The following TRAPPC9 variants were observed in gnomAD, a reference collection of about 807,000 sequenced individuals.
TRAPPC9 encodes IKK2 binding protein.
In TRAPPC9, 83 loss-of-function variants were observed where a neutral mutation model predicts 124.0. The ratio of observed to expected loss-of-function variants is 0.67; its 90% CI spans 0.56 to 0.80. TRAPPC9 has a LOEUF of 0.80. Among genes scored for constraint, TRAPPC9 ranks in the 30% least tolerant of loss-of-function variants. The probability of loss-of-function intolerance (pLI) is 0.00; values close to 1 mark genes in which losing one functional copy is unlikely to be tolerated. For missense variants in TRAPPC9, 1,302 were observed against 1,508.3 expected, an observed-to-expected ratio of 0.86 and a Z score of 2.27; for synonymous variants, 638 against 617.5, an observed-to-expected ratio of 1.03 and a Z score of -0.49.
At chr8:139,890,104 C>T (rs917884392) in intron 20 of TRAPPC9, among the ~76,000 whole-genome samples, 2 of 152,230 alleles carry the variant, frequency 1.3e-5, no homozygotes, top group Non-Finnish European at 2.9e-5. Flanking sequence ...GAAGCAGCGC[C>T]CTGCAGCTCC....
chr8:140,304,940 C>T (rs544088222), intron 10 of TRAPPC9, among the ~76,000 whole-genome samples: 21 of 152,220 alleles, frequency 1.4e-4, no homozygotes, highest in African/African-American at 4.3e-4. Context: ...CCTCAGTGTG[C>T]GTTACCGAAT....
At chr8:140,255,611 C>A (rs1026962707) in intron 15 of TRAPPC9, among the ~76,000 whole-genome samples, 1 of 152,198 alleles carries the variant, frequency 6.6e-6, no homozygotes, top group Non-Finnish European at 1.5e-5. Context: ...GTGGACCGGG[C>A]GCAGTGACTC....
At chr8:140,191,986 G>A (rs906340812) in intron 17 of TRAPPC9, among the ~76,000 whole-genome samples, 1 of 152,110 alleles carries the variant, frequency 6.6e-6, no homozygotes, top group Non-Finnish European at 1.5e-5. Flanking sequence ...CATCACTCAG[G>A]ACTAAAATGA....
chr8:140,237,193 A>G (rs1203345408), intron 16 of TRAPPC9, among the ~76,000 whole-genome samples: 2 of 151,770 alleles, frequency 1.3e-5, no homozygotes, highest in Non-Finnish European at 2.9e-5. Context: ...AAAAATATAA[A>G]AAATAAATAA....
At chr8:140,386,808 A>G (rs948643048) in intron 7 of TRAPPC9, among the ~76,000 whole-genome samples, 5 of 152,210 alleles carry the variant, frequency 3.3e-5, no homozygotes, top group African/African-American at 4.8e-5. Context: ...CAGAATTGGA[A>G]AAAACTACTC....
chr8:140,200,502 C>T (rs568434617), intron 17 of TRAPPC9, among the ~76,000 whole-genome samples: 20 of 152,188 alleles, frequency 1.3e-4, no homozygotes, highest in East Asian at 3.9e-4. Flanking sequence ...CCCGGCCAGG[C>T]GATCAAGGTC....
At chr8:140,172,753 T>C (rs1417959463) in intron 17 of TRAPPC9, among the ~76,000 whole-genome samples, 2 of 152,134 alleles carry the variant, frequency 1.3e-5, no homozygotes, top group Non-Finnish European at 2.9e-5. Flanking sequence ...TTACTATGAT[T>C]AAAAATAATT....
intron 18 of TRAPPC9, among the ~76,000 whole-genome samples, chr8:140,006,033 G>C (rs1373621152): frequency 6.6e-6 from 1 of 152,076 alleles, no homozygotes; most frequent in African/African-American, 2.4e-5. Context: ...AAATGACTGT[G>C]AAAAGTTGTC....
At chr8:139,906,710 T>C (rs1297331979) in intron 20 of TRAPPC9, among the ~76,000 whole-genome samples, 1 of 152,140 alleles carries the variant, frequency 6.6e-6, no homozygotes, top group Non-Finnish European at 1.5e-5. Context: ...GTTCAGGCCC[T>C]TGTGGTCCCT....
chr8:140,181,283 C>A (rs1388091648), intron 17 of TRAPPC9, among the ~76,000 whole-genome samples: 7 of 152,112 alleles, frequency 4.6e-5, no homozygotes, highest in Admixed American at 4.6e-4. Context: ...CATGGGGAGA[C>A]AGAATCTTGC....
chr8:139,931,854 G>A (rs138088274), intron 19 of TRAPPC9: 75 of 166,622 alleles, frequency 4.5e-4, no homozygotes, highest in Non-Finnish European at 7.0e-4. Context: ...CATTTCACCC[G>A]GAAAAGATGA....
chr8:140,295,835 A>G (rs114508728), intron 11 of TRAPPC9, among the ~76,000 whole-genome samples: 184 of 152,330 alleles, frequency 1.2e-3, no homozygotes, highest in African/African-American at 4.3e-3. Context: ...TGATCAGTAC[A>G]CTGCCAAAAA....
intron 21 of TRAPPC9, among the ~76,000 whole-genome samples, chr8:139,803,516 C>T (rs921391215): frequency 6.6e-6 from 1 of 152,258 alleles, no homozygotes; most frequent in Non-Finnish European, 1.5e-5. Context: ...GCTCTCTGTG[C>T]AGGCAGTCAG....
chr8:140,207,653 C>T (rs767224707), intron 17 of TRAPPC9, among the ~76,000 whole-genome samples: 8 of 152,196 alleles, frequency 5.3e-5, no homozygotes, highest in African/African-American at 1.2e-4. Context: ...GCGGACCCTG[C>T]GGATGAACTA....
chr8:139,818,004 T>C (rs1824976502), intron 21 of TRAPPC9, among the ~76,000 whole-genome samples: 1 of 152,254 alleles, frequency 6.6e-6, no homozygotes, highest in Non-Finnish European at 1.5e-5. Context: ...CTACCGTGTG[T>C]ACCAGTATAT....
chr8:139,883,264 C>T (rs1052221953), intron 21 of TRAPPC9, among the ~76,000 whole-genome samples: 2 of 152,230 alleles, frequency 1.3e-5, no homozygotes, highest in Non-Finnish European at 2.9e-5. Context: ...GCAAGAGGGC[C>T]CTCGCCAGAC....
intron 2 of TRAPPC9, among the ~76,000 whole-genome samples, chr8:140,449,561 G>A (rs1189559848): frequency 6.6e-6 from 1 of 152,228 alleles, no homozygotes; most frequent in African/African-American, 2.4e-5. Context: ...ATGGGAAGCT[G>A]ACCTTTTCCT....
intron 17 of TRAPPC9, among the ~76,000 whole-genome samples, chr8:140,085,996 G>A (rs1844160709): frequency 6.6e-6 from 1 of 151,308 alleles, no homozygotes; most frequent in Admixed American, 6.6e-5. Context: ...AAATGAAGCC[G>A]TTCAGACTTG....
chr8:140,383,373 G>A (rs1391768530), intron 7 of TRAPPC9, among the ~76,000 whole-genome samples: 1 of 152,206 alleles, frequency 6.6e-6, no homozygotes, highest in Non-Finnish European at 1.5e-5. Flanking sequence ...CCAAGCTAAA[G>A]GAGGAAGTTC....
Sources: gnomAD v4.1 joint callset for allele counts (sites outside exome capture counted in the v4.1 genomes callset) on GRCh38, gnomAD v4.1.1 for gene constraint, MANE v1.5 for transcripts, NCBI Gene and HGNC (gene_info 2026-07-23, HGNC 2026-07-21) for gene names.